The following FAM13A variants were observed in gnomAD, a reference collection of about 807,000 sequenced individuals.
FAM13A encodes family with sequence similarity 13 member A.
Under a neutral mutation model 129.6 loss-of-function variants are expected in FAM13A, and 76 were observed. The ratio of observed to expected loss-of-function variants is 0.59; its 90% CI spans 0.49 to 0.71. The LOEUF is 0.71. FAM13A is among the 30% of genes least tolerant of loss of function. The probability of loss-of-function intolerance (pLI) is 0.00; values close to 1 mark genes in which losing one functional copy is unlikely to be tolerated. For missense variants in FAM13A, 1,108 were observed against 1,249.3 expected (o/e 0.89, Z 1.70); for synonymous variants, 443 against 449.9 (o/e 0.98, Z 0.20).
chr4:88,731,274 G>T, intron 23 of FAM13A, 53 bp downstream of exon 23: 1 of 964,602 alleles, frequency 1.0e-6, no homozygotes, highest in Non-Finnish European at 1.6e-6. Flanking sequence ...AAGAGGGATG[G>T]GTGTGTGTGG....
intron 7 of FAM13A, among the ~76,000 whole-genome samples, chr4:88,845,930 T>C (rs1342669144): frequency 6.6e-6 from 1 of 152,254 alleles, no homozygotes; most frequent in Admixed American, 6.5e-5. Context: ...TTTATTATGT[T>C]TCCCCCATTT....
intron 3 of FAM13A, among the ~76,000 whole-genome samples, chr4:89,005,911 T>C (rs12505427): frequency 0.31 from 47,898 of 152,170 alleles, 8,078 homozygotes; most frequent in Middle Eastern, 0.47. Flanking sequence ...AGCTCTTAAG[T>C]TTAATTAGAT....
chr4:88,963,155 T>C (rs1758864102), intron 4 of FAM13A, among the ~76,000 whole-genome samples: 1 of 152,190 alleles, frequency 6.6e-6, no homozygotes, highest in Non-Finnish European at 1.5e-5. Flanking sequence ...GATGAGGTTA[T>C]ATGCTTCTGT....
chr4:89,011,349 A>G (rs1272558609), intron 3 of FAM13A, among the ~76,000 whole-genome samples: 1 of 152,184 alleles, frequency 6.6e-6, no homozygotes, highest in African/African-American at 2.4e-5. Context: ...AATGGTTAAA[A>G]TGGTAAATGC....
At chr4:88,798,619 G>C (rs759773814) in intron 8 of FAM13A, among the ~76,000 whole-genome samples, 2 of 152,134 alleles carry the variant, frequency 1.3e-5, no homozygotes, top group Admixed American at 6.6e-5. Flanking sequence ...CATGAAGTCT[G>C]CAAGGTAAAA....
At chr4:89,036,633 ATG>A (rs893043493) in intron 1 of FAM13A, among the ~76,000 whole-genome samples, 1 of 152,204 alleles carries the variant, frequency 6.6e-6, no homozygotes, top group Non-Finnish European at 1.5e-5. Context: ...AGCCAAGACA[ATG>A]GGGAAAATGT....
chr4:88,956,280 G>A (rs946903592), intron 4 of FAM13A, among the ~76,000 whole-genome samples: 38 of 152,254 alleles, frequency 2.5e-4, no homozygotes, highest in Admixed American at 2.5e-3. Flanking sequence ...GTTTAGATAT[G>A]TTCAGATAAA....
intron 5 of FAM13A, among the ~76,000 whole-genome samples, chr4:88,916,898 C>T (rs1750213078): frequency 6.6e-6 from 1 of 151,962 alleles, no homozygotes; most frequent in African/African-American, 2.4e-5. Flanking sequence ...TCTGTGCCAC[C>T]CCACTAAAAG....
At chr4:88,941,774 T>A (rs1038650783) in intron 4 of FAM13A, among the ~76,000 whole-genome samples, 13 of 152,224 alleles carry the variant, frequency 8.5e-5, no homozygotes, top group African/African-American at 3.1e-4. Context: ...AATTGAGTAC[T>A]CTGATCTCTT....
chr4:88,997,606 A>C (rs1763729332), intron 3 of FAM13A, among the ~76,000 whole-genome samples: 1 of 152,192 alleles, frequency 6.6e-6, no homozygotes, highest in African/African-American at 2.4e-5. Context: ...CTGTATCACA[A>C]GATATATCAC....
At chr4:88,877,521 A>G (rs962319711) in intron 6 of FAM13A, among the ~76,000 whole-genome samples, 1 of 152,232 alleles carries the variant, frequency 6.6e-6, no homozygotes, top group African/African-American at 2.4e-5. Context: ...ATGCTTGCAA[A>G]ATTTGAATAT....
chr4:88,910,973 C>G (rs1379453847), intron 5 of FAM13A, among the ~76,000 whole-genome samples: 2 of 152,170 alleles, frequency 1.3e-5, no homozygotes, highest in Non-Finnish European at 2.9e-5. Context: ...TTGTCCATCT[C>G]ACCCTACTCT....
chr4:88,874,744 C>T (rs191648738), intron 6 of FAM13A, among the ~76,000 whole-genome samples: 115 of 152,230 alleles, frequency 7.6e-4, no homozygotes, highest in African/African-American at 2.5e-3. Context: ...CAATGCCATC[C>T]CCATCAAGCT....
rs544618795 is a variant in FAM13A at position 88,867,741 on chromosome 4, C to G, written c.844-16558G>C. Among the ~76,000 whole-genome samples the G allele has an allele frequency of 5.5e-4, 84 of 152,226 alleles. 1 individual carries two copies. Among genetic ancestry groups the G allele is most frequent in the Non-Finnish European group, 9.1e-4 (62 of 68,026 alleles). ...GGAGAAGGATATGTACAGCATGATA[C>G]TTCAACAAATTTATATATAATTTCA... On this transcript the variant is annotated intron_variant, in intron 6 of 23. Transcript: ENST00000264344.
At chr4:88,878,287 C>CAAAAA (rs56067813) in intron 6 of FAM13A, among the ~76,000 whole-genome samples, 61 of 61,064 alleles carry the variant, frequency 1.0e-3, no homozygotes, top group African/African-American at 3.7e-3. Flanking sequence ...GACTCCATCT[C>CAAAAA]AAAAAAAAAA....
At chr4:88,758,685 G>C (rs1307564241) in intron 14 of FAM13A, 69 bp downstream of exon 14, 13 of 1,448,744 alleles carry the variant, frequency 9.0e-6, no homozygotes, top group Admixed American at 1.9e-5. Flanking sequence ...ATAGTTACAT[G>C]CCTCTCATTT....
At chr4:88,746,767 C>G (rs1023546055) in intron 19 of FAM13A, among the ~76,000 whole-genome samples, 165 bp downstream of exon 19, 1 of 152,098 alleles carries the variant, frequency 6.6e-6, no homozygotes, top group Non-Finnish European at 1.5e-5. Context: ...ATTGGTTAAG[C>G]CTTCAGAAAG....
Position 89,020,484 on chromosome 4 carries a change from G to C in FAM13A, c.403C>G (p.Pro135Ala), listed in dbSNP as rs752086293. 2 of 1,613,804 alleles carry C rather than the reference G, an allele frequency of 1.2e-6. No homozygotes were observed. The highest frequency in any genetic ancestry group is 1.7e-5 in the Admixed American group (1 of 59,990). ...CCCTGAAAGAGTTGAATGAATCGAG[G>C]CTGCAACGCTGAGGTGATCAGACTG... ...PDSLITSALQ[P>A]RFIQLFQDGR... is the part of the protein sequence containing the mutation. Residue 135 changes from proline (P) to alanine (A), a missense_variant, in exon 3 of 24, where the codon CCT becomes GCT. This residue lies in a region of FAM13A where 566 missense variants were observed against 595.7 expected (regional missense o/e 0.95). Coordinates refer to ENST00000264344, the MANE Select transcript of FAM13A (RefSeq NM_014883.4).
intron 7 of FAM13A, among the ~76,000 whole-genome samples, chr4:88,834,479 T>G (rs1311949357): frequency 6.6e-6 from 1 of 152,008 alleles, no homozygotes; most frequent in Non-Finnish European, 1.5e-5. Context: ...TGAAATTAAC[T>G]CACTATTTAA....
Sources: allele counts gnomAD v4.1 joint callset (sites outside exome capture counted in the v4.1 genomes callset), GRCh38; gene constraint gnomAD v4.1.1; regional missense constraint gnomAD v4.1.1; transcripts MANE v1.5; gene names NCBI Gene and HGNC (gene_info 2026-07-23, HGNC 2026-07-21).